Variants in COA1 observed in about 807,000 individuals in gnomAD.
COA1 encodes cytochrome c oxidase assembly factor 1 homolog.
In COA1, 13 loss-of-function variants were observed where a neutral mutation model predicts 16.0. The ratio of observed to expected loss-of-function variants is 0.81; its 90% CI spans 0.53 to 1.29. The LOEUF is 1.29. COA1 is among the 50% of genes most tolerant of loss of function. The pLI is 0.00. For missense variants in COA1, 179 were observed against 177.0 expected, an observed-to-expected ratio of 1.01 and a Z score of -0.06; for synonymous variants, 65 against 65.7, an observed-to-expected ratio of 0.99 and a Z score of 0.05.
chr7:43,634,123 T>C (rs560342326), intron 6 of COA1, among the ~76,000 whole-genome samples: 1 of 152,356 alleles, frequency 6.6e-6, no homozygotes, highest in African/African-American at 2.4e-5. Flanking sequence ...CTGAATCTTT[T>C]TTTTAAATGA....
chr7:43,727,256 A>G (rs1237590697), intron 1 of COA1, among the ~76,000 whole-genome samples: 2 of 152,220 alleles, frequency 1.3e-5, no homozygotes, highest in African/African-American at 2.4e-5. Context: ...ACCCTAATAC[A>G]CTACTGGTGC....
At chr7:43,636,341 C>T (rs1174052463), downstream of COA1, among the ~76,000 whole-genome samples, 6 of 131,016 alleles carry the variant, frequency 4.6e-5, no homozygotes, top group Non-Finnish European at 9.5e-5. Flanking sequence ...CTTTCTGGAC[C>T]GCCCCCATCA....
At chr7:43,685,975 T>C (rs188951232) in intron 1 of COA1, among the ~76,000 whole-genome samples, 45 of 152,348 alleles carry the variant, frequency 3.0e-4, no homozygotes, top group African/African-American at 1.1e-3. Flanking sequence ...TGCTTTCTAT[T>C]TTGGTTTATG....
chr7:43,668,105 C>T (rs1419452910), intron 1 of COA1, among the ~76,000 whole-genome samples: 2 of 152,180 alleles, frequency 1.3e-5, no homozygotes, highest in Non-Finnish European at 2.9e-5. Context: ...TTTAAGGAAT[C>T]AAGCTTGACA....
At chr7:43,675,830 T>C (rs2093490439) in intron 1 of COA1, among the ~76,000 whole-genome samples, 1 of 152,166 alleles carries the variant, frequency 6.6e-6, no homozygotes, top group African/African-American at 2.4e-5. Flanking sequence ...GATCCTATAC[T>C]GAATTCTAAC....
At position 43,706,713 on chromosome 7, in the gene COA1, T is replaced by C. The variant is rs574416843; in HGVS notation, c.-39+22716A>G. Among the ~76,000 whole-genome samples the C allele has an allele frequency of 2.1e-4, 32 of 150,986 alleles. No individual in the cohort carries two copies. In the South Asian group the frequency reaches 4.0e-3, roughly 19 times the overall value. On this transcript the variant is annotated intron_variant, in intron 1 of 5. Coordinates refer to ENST00000223336, the MANE Select transcript of COA1 (RefSeq NM_018224.4). The stretch of plus-strand genomic sequence containing the variant: ...GTGAAAGACTGTCTCCACAAAAAAA[T>C]AGAAAAATTAGCTGGGCATGGTGGT...
At chr7:43,668,574 T>C (rs2093037951) in intron 1 of COA1, among the ~76,000 whole-genome samples, 1 of 152,222 alleles carries the variant, frequency 6.6e-6, no homozygotes, top group African/African-American at 2.4e-5. Flanking sequence ...CTAATTGTTT[T>C]TAAGCTTTTT....
At chr7:43,650,814 A>AC (rs1191670865) in intron 1 of COA1, 12 of 137,550 alleles carry the variant, frequency 8.7e-5, no homozygotes, top group Non-Finnish European at 1.6e-4. Flanking sequence ...CTCCCCCACC[A>AC]CCAAAAAAAA....
At chr7:43,656,521 C>T (rs2091728281) in intron 1 of COA1, among the ~76,000 whole-genome samples, 1 of 151,872 alleles carries the variant, frequency 6.6e-6, no homozygotes, top group Non-Finnish European at 1.5e-5. Context: ...CATGGTGAAA[C>T]CCTGTCTCTA....
intron 6 of COA1, among the ~76,000 whole-genome samples, chr7:43,619,105 T>C (rs999677123): frequency 1.9e-4 from 29 of 152,194 alleles, no homozygotes; most frequent in Admixed American, 1.8e-3. Context: ...ACAGAAATCA[T>C]TGCATGCAAA....
intron 2 of COA1, 108 bp from the exon 3 acceptor site, chr7:43,647,742 G>A (rs2089805768): frequency 1.3e-6 from 1 of 783,036 alleles, no homozygotes; most frequent in Non-Finnish European, 2.1e-6. Flanking sequence ...AGCCAGAAAG[G>A]AGGCCAGACC....
chr7:43,610,082 C>T (rs1169985059), intron 6 of COA1, among the ~76,000 whole-genome samples: 1 of 152,200 alleles, frequency 6.6e-6, no homozygotes, highest in Non-Finnish European at 1.5e-5. Flanking sequence ...CGCGGTGGCT[C>T]ACGCCTGTAA....
At chr7:43,695,558 G>A (rs1273536975) in intron 1 of COA1, among the ~76,000 whole-genome samples, 1 of 151,948 alleles carries the variant, frequency 6.6e-6, no homozygotes, top group Non-Finnish European at 1.5e-5. Flanking sequence ...ATGCAAATGG[G>A]ACTTGGCCTG....
chr7:43,635,488 C>T (rs1444601791), downstream of COA1, among the ~76,000 whole-genome samples: 1 of 152,156 alleles, frequency 6.6e-6, no homozygotes, highest in Non-Finnish European at 1.5e-5. Flanking sequence ...GGAACATTAC[C>T]AATCTTAGGG....
intron 6 of COA1, chr7:43,623,664 A>G: frequency 1.2e-6 from 2 of 1,607,600 alleles, no homozygotes; most frequent in South Asian, 1.1e-5. Flanking sequence ...GTTTCAAGAA[A>G]TGAGTATGGT....
chr7:43,690,909 A>G (rs572256851), intron 1 of COA1, among the ~76,000 whole-genome samples: 1 of 151,954 alleles, frequency 6.6e-6, no homozygotes, highest in South Asian at 2.1e-4. Flanking sequence ...GGAGGGCCCT[A>G]CAAGAGAATC....
chr7:43,699,808 CAGG>C (rs1315348821), intron 1 of COA1, among the ~76,000 whole-genome samples: 3 of 152,032 alleles, frequency 2.0e-5, no homozygotes, highest in African/African-American at 7.2e-5. Context: ...AGAAATTAAG[CAGG>C]AGGTGCGGAA....
At chr7:43,651,024 C>T (rs2090662136) in intron 1 of COA1, among the ~76,000 whole-genome samples, 1 of 152,102 alleles carries the variant, frequency 6.6e-6, no homozygotes, top group Non-Finnish European at 1.5e-5. Context: ...AGTTTACCTG[C>T]CCCTTCAGCT....
chr7:43,695,313 T>A (rs2094494674), intron 1 of COA1, among the ~76,000 whole-genome samples: 1 of 152,084 alleles, frequency 6.6e-6, no homozygotes, highest in Non-Finnish European at 1.5e-5. Flanking sequence ...CCTCATCTCC[T>A]TCTTTTTACC....
Sources: allele counts gnomAD v4.1 joint callset (sites outside exome capture counted in the v4.1 genomes callset), GRCh38; gene constraint gnomAD v4.1.1; transcripts MANE v1.5; gene names NCBI Gene and HGNC (gene_info 2026-07-23, HGNC 2026-07-21).